The following HHAT variants were observed in gnomAD, a reference collection of about 807,000 sequenced individuals.
HHAT encodes the protein hedgehog acyltransferase.
A neutral mutation model predicts 70.8 loss-of-function variants in HHAT; 47 were observed. That is an observed-to-expected ratio of 0.66 (90% CI 0.53 to 0.85). The LOEUF (loss-of-function observed/expected upper bound fraction) is 0.85. HHAT is among the 40% of genes least tolerant of loss of function. The pLI is 0.00. For synonymous variants in HHAT, 228 were observed against 247.6 expected (o/e 0.92, Z 0.74); for missense variants, 609 against 604.8 (o/e 1.01, Z -0.07).
chr1:210,371,054 C>A (rs2089527123), intron 3 of HHAT, among the ~76,000 whole-genome samples: 1 of 152,182 alleles, frequency 6.6e-6, no homozygotes, highest in African/African-American at 2.4e-5. Flanking sequence ...TGAGACTAGA[C>A]AAAAGGTCAT....
chr1:210,651,626 A>G (rs1317045685), intron 11 of HHAT, among the ~76,000 whole-genome samples: 1 of 152,218 alleles, frequency 6.6e-6, no homozygotes, highest in Non-Finnish European at 1.5e-5. Flanking sequence ...GAGTGTCGGT[A>G]GAAGCTGGAG....
chr1:210,386,245 T>C (rs1410878961), intron 3 of HHAT, among the ~76,000 whole-genome samples: 4 of 111,838 alleles, frequency 3.6e-5, no homozygotes, highest in East Asian at 2.3e-4. Context: ...TTTTTTTTTT[T>C]TTTTTTTTTT....
At position 210,623,611 on chromosome 1, in the gene HHAT, T is replaced by C; in HGVS notation, c.1331T>C (p.Leu444Pro). 1 of 1,614,030 alleles carries C rather than the reference T, an allele frequency of 6.2e-7. No homozygotes were observed. The highest frequency in any genetic ancestry group is 8.5e-7 in the Non-Finnish European group (1 of 1,179,952). ...CSTSMLILSN[L>P]VFLGGNEVGK... ...ACCTCGATGCTGATCCTGTCCAACC[T>C]GGTATTTCTTGGGGGCAATGAGGTT... Residue 444 changes from leucine to proline, a missense_variant, in exon 11 of 12, where the codon CTG (leucine) becomes CCG (proline). Physicochemically the swap from Leu to Pro is moderately conservative, Grantham distance 98. Transcript: ENST00000261458.
intron 4 of HHAT, among the ~76,000 whole-genome samples, chr1:210,389,089 A>T (rs1399054438): frequency 6.6e-6 from 1 of 152,198 alleles, no homozygotes; most frequent in East Asian, 1.9e-4. Context: ...AGAATACATA[A>T]AACTGAGTAA....
intron 11 of HHAT, among the ~76,000 whole-genome samples, chr1:210,650,428 T>C (rs1187947082): frequency 6.6e-6 from 1 of 152,212 alleles, no homozygotes; most frequent in Non-Finnish European, 1.5e-5. Flanking sequence ...TCTTTGTGTT[T>C]CTGAATCCTA....
In HHAT at chr1:210,475,327, C is replaced by T. The variant is rs1052243749; in HGVS notation, c.1007+10672C>T. Among the ~76,000 whole-genome samples the T allele has an allele frequency of 2.0e-5, 3 of 152,202 alleles. No homozygotes were observed. In the East Asian group the frequency reaches 5.8e-4, roughly 29 times the overall value. On this transcript the variant is annotated intron_variant, in intron 8 of 11. Coordinates refer to ENST00000261458, the MANE Select transcript of HHAT (RefSeq NM_018194.6). The stretch of plus-strand genomic sequence containing the variant: ...TAATGCAGGAACTTCTGGATCTCTT[C>T]TTGCACAGGGGTTGCTGAGGAAGAC...
At chr1:210,375,729 G>A (rs2090140923) in intron 3 of HHAT, among the ~76,000 whole-genome samples, 2 of 151,374 alleles carry the variant, frequency 1.3e-5, no homozygotes, top group South Asian at 2.1e-4. Context: ...TTTCCTTCTG[G>A]AAAATTTAAT....
chr1:210,374,005 T>C (rs2089851055), intron 3 of HHAT: 1 of 152,222 alleles, frequency 6.6e-6, no homozygotes, highest in African/African-American at 2.4e-5. Flanking sequence ...ATCATGCAAG[T>C]ATTCAGACCT....
intron 5 of HHAT, 85 bp downstream of exon 5, chr1:210,400,747 A>G (rs539555736): frequency 7.9e-6 from 10 of 1,267,996 alleles, no homozygotes; most frequent in African/African-American, 1.5e-5. Flanking sequence ...TGGTTTTCAG[A>G]CAAGAGATGA....
At chr1:210,511,780 CTTTTTTT>C (rs201825628) in intron 8 of HHAT, among the ~76,000 whole-genome samples, 3 of 88,478 alleles carry the variant, frequency 3.4e-5, no homozygotes, top group African/African-American at 1.2e-4. Flanking sequence ...GCCGCCTGGT[CTTTTTTT>C]TTTTTTTTTT....
At chr1:210,490,067 G>T (rs12728693) in intron 8 of HHAT, among the ~76,000 whole-genome samples, 58,817 of 149,818 alleles carry the variant, frequency 0.39, 13,698 homozygotes, top group Non-Finnish European at 0.51. Context: ...AAAAGTAACT[G>T]TAAAATTCCT....
intron 10 of HHAT, among the ~76,000 whole-genome samples, chr1:210,590,699 G>T (rs145510264): frequency 2.0e-4 from 31 of 152,142 alleles, no homozygotes; most frequent in African/African-American, 7.0e-4. Context: ...AGGGAAATCT[G>T]CTTTATTCAG....
At chr1:210,329,459 C>G (rs1464739174) in intron 1 of HHAT, 1 of 1,051,314 alleles carries the variant, frequency 9.5e-7, no homozygotes, top group Non-Finnish European at 1.1e-6. Flanking sequence ...GCCTGCCTGC[C>G]TGCTGTGACT....
At chr1:210,434,500 A>G (rs1394637981) in intron 7 of HHAT, among the ~76,000 whole-genome samples, 1 of 151,818 alleles carries the variant, frequency 6.6e-6, no homozygotes, top group African/African-American at 2.4e-5. Flanking sequence ...ATGTTATTAG[A>G]TATAGTCCTC....
intron 7 of HHAT, among the ~76,000 whole-genome samples, chr1:210,433,293 T>G (rs1480323224): frequency 6.6e-6 from 1 of 151,804 alleles, no homozygotes; most frequent in Admixed American, 6.6e-5. Context: ...GAAGTAAAAT[T>G]TCACAGGGAC....
Position 210,675,086 on chromosome 1 carries a change from C to T in HHAT, c.*707C>T, listed in dbSNP as rs1680903063. 1 of 152,166 alleles carries T rather than the reference C, an allele frequency of 6.6e-6. No individual in the cohort carries two copies. Among genetic ancestry groups the T allele is most frequent in the Non-Finnish European group, 1.5e-5 (1 of 68,046 alleles). 9.4% of individuals were successfully genotyped at this position (152,166 alleles called of 1,614,324 possible). A position where few individuals can be genotyped will look rare whatever the true frequency, so the allele number is the denominator to read the frequency against. On this transcript the variant is annotated 3_prime_UTR_variant, in exon 12 of 12. Transcript: ENST00000261458. Reference sequence around the variant, plus strand: ...ATAACATGGTAGTTCCTCTACCTTACAGTTAATCGTTTCTTAATAAAGAAG... The same window carrying T: ...ATAACATGGTAGTTCCTCTACCTTATAGTTAATCGTTTCTTAATAAAGAAG...
intron 11 of HHAT, among the ~76,000 whole-genome samples, chr1:210,633,688 C>G (rs1263313148): frequency 3.9e-5 from 6 of 152,214 alleles, no homozygotes; most frequent in Admixed American, 6.5e-5. Flanking sequence ...ATAGGAATAA[C>G]TAGCCTGGCA....
At chr1:210,674,163 A>C in intron 11 of HHAT, 125 bp from the exon 12 acceptor site, 1 of 731,090 alleles carries the variant, frequency 1.4e-6, no homozygotes, top group East Asian at 2.5e-5. Context: ...TCATTACAGC[A>C]GACTTTCCTG....
chr1:210,424,148 A>G (rs1264619621), intron 7 of HHAT, among the ~76,000 whole-genome samples: 1 of 152,112 alleles, frequency 6.6e-6, no homozygotes, highest in Non-Finnish European at 1.5e-5. Flanking sequence ...CATTTTAACA[A>G]TATTCTTTCA....
Sources: gnomAD v4.1 joint callset for allele counts (sites outside exome capture counted in the v4.1 genomes callset) on GRCh38, gnomAD v4.1.1 for gene constraint, MANE v1.5 for transcripts, NCBI Gene and HGNC (gene_info 2026-07-23, HGNC 2026-07-21) for gene names.